The following MIPEP variants were observed in gnomAD, a reference collection of about 807,000 sequenced individuals.
The protein encoded by MIPEP is mitochondrial intermediate peptidase.
Under a neutral mutation model 90.3 loss-of-function variants are expected in MIPEP, and 79 were observed. The observed-to-expected ratio is 0.87, with a 90% CI of 0.73 to 1.05. The LOEUF is 1.05. Ranked by LOEUF, MIPEP falls within the 50% of genes least tolerant of loss-of-function variation. The probability of loss-of-function intolerance (pLI) is 0.00; values close to 1 mark genes in which losing one functional copy is unlikely to be tolerated. For synonymous variants in MIPEP, 334 were observed against 315.8 expected, an observed-to-expected ratio of 1.06 and a Z score of -0.61; for missense variants, 940 against 905.6, an observed-to-expected ratio of 1.04 and a Z score of -0.49.
intron 14 of MIPEP, among the ~76,000 whole-genome samples, chr13:23,822,339 C>T (rs1228778528): frequency 6.6e-6 from 1 of 152,152 alleles, no homozygotes; most frequent in Non-Finnish European, 1.5e-5. Context: ...CAAGACAATG[C>T]AGCCTGTCTA....
At chr13:23,866,235 TG>T (rs1375072688) in intron 7 of MIPEP, among the ~76,000 whole-genome samples, 1 of 152,170 alleles carries the variant, frequency 6.6e-6, no homozygotes, top group Non-Finnish European at 1.5e-5. Context: ...GGCATTGTTT[TG>T]TCTGTACTAC....
chr13:23,841,302 C>G (rs776259951), intron 11 of MIPEP, 33 bp downstream of exon 11: 4 of 1,583,424 alleles, frequency 2.5e-6, no homozygotes, highest in Non-Finnish European at 2.6e-6. Flanking sequence ...AAGGTAAATG[C>G]CTGCAACTGC....
At chr13:23,781,085 A>C (rs1452143462) in intron 16 of MIPEP, among the ~76,000 whole-genome samples, 5 of 152,204 alleles carry the variant, frequency 3.3e-5, no homozygotes, top group Non-Finnish European at 5.9e-5. Context: ...CAACATTCAA[A>C]TTCAGGAAAT....
intron 16 of MIPEP, among the ~76,000 whole-genome samples, chr13:23,765,696 C>G (rs112465223): frequency 1.3e-5 from 2 of 152,138 alleles, no homozygotes; most frequent in Non-Finnish European, 2.9e-5. Flanking sequence ...AACGGGAACT[C>G]GACAGCAATC....
chr13:23,843,797 A>G (rs1373100514), intron 10 of MIPEP, among the ~76,000 whole-genome samples: 1 of 152,178 alleles, frequency 6.6e-6, no homozygotes, highest in East Asian at 1.9e-4. Flanking sequence ...TTCCTTTGAG[A>G]TGCAAACGTC....
intron 10 of MIPEP, among the ~76,000 whole-genome samples, chr13:23,847,752 C>T (rs542498270): frequency 6.9e-4 from 105 of 152,304 alleles, no homozygotes; most frequent in African/African-American, 2.5e-3. Context: ...CTTAGCAGGT[C>T]TGCAGGCAAA....
At chr13:23,878,231 C>T (rs528166865) in intron 4 of MIPEP, among the ~76,000 whole-genome samples, 3 of 152,302 alleles carry the variant, frequency 2.0e-5, no homozygotes, top group East Asian at 3.9e-4. Context: ...AGCAATATAA[C>T]GATAAAGCTT....
Position 23,730,437 on chromosome 13 carries a change from G to T in MIPEP, c.2053C>A (p.Gln685Lys). ...AAGTCATCAACAGAAGGACACTTCT[G>T]AAGCATACCTGCAAACAAAGGAAAG... Reference protein sequence around the residue: ...EPMLMVEGMLQKCPSVDDFVS... With the variant: ...EPMLMVEGMLKKCPSVDDFVS... Residue 685 changes from glutamine (Q) to lysine (K), a missense_variant, in exon 19 of 19, where the codon CAG becomes AAG. Coordinates refer to ENST00000382172, the MANE Select transcript of MIPEP (RefSeq NM_005932.4). 1.2e-6 allele frequency: 2 copies of T among 1,609,828 alleles called. No individual in the cohort carries two copies. The highest frequency in any genetic ancestry group is 1.7e-6 in the Non-Finnish European group (2 of 1,176,970).
intron 9 of MIPEP, among the ~76,000 whole-genome samples, chr13:23,861,629 C>T (rs9510908): frequency 0.94 from 143,077 of 152,278 alleles, 67,249 homozygotes; most frequent in East Asian, 1. Context: ...AAGTCAAGAA[C>T]TAATAACAGC....
chr13:23,765,337 G>A (rs1373017215), intron 16 of MIPEP, among the ~76,000 whole-genome samples: 17 of 152,142 alleles, frequency 1.1e-4, no homozygotes, highest in Non-Finnish European at 2.1e-4. Context: ...AAATAGGCAG[G>A]TGTACCATAA....
chr13:23,848,956 G>A (rs1255293638), intron 10 of MIPEP, among the ~76,000 whole-genome samples: 1 of 152,268 alleles, frequency 6.6e-6, no homozygotes, highest in Admixed American at 6.5e-5. Flanking sequence ...CATCTGAGGG[G>A]CCCCAAGGAG....
At chr13:23,770,806 T>G (rs774445907) in intron 16 of MIPEP, among the ~76,000 whole-genome samples, 3 of 152,198 alleles carry the variant, frequency 2.0e-5, no homozygotes, top group Non-Finnish European at 4.4e-5. Context: ...CTAATGAGTT[T>G]GTATTGTCCC....
At chr13:23,731,665 A>T (rs946254832) in intron 18 of MIPEP, among the ~76,000 whole-genome samples, 1 of 152,258 alleles carries the variant, frequency 6.6e-6, no homozygotes, top group African/African-American at 2.4e-5. Context: ...TCTCTTGAAA[A>T]GAAACCATTA....
At chr13:23,795,139 T>C (rs777221385) in intron 16 of MIPEP, among the ~76,000 whole-genome samples, 11 of 151,944 alleles carry the variant, frequency 7.2e-5, no homozygotes, top group East Asian at 1.9e-4. Context: ...CTTCACCTCA[T>C]GGAAGAGACT....
chr13:23,775,327 T>C (rs1384818086), intron 16 of MIPEP, among the ~76,000 whole-genome samples: 1 of 152,054 alleles, frequency 6.6e-6, no homozygotes. Context: ...TGCTGTCTTA[T>C]TCCCATCTCA....
rs554360297 is a variant in MIPEP, at chr13:23,876,139, C to T, written c.540-1230G>A. The stretch of plus-strand genomic sequence containing the variant: ...GCACATTGATATATATTACCAAATG[C>T]TCCTCCATGAAGTCTTATCAATTTA... On this transcript the variant is annotated intron_variant, in intron 4 of 18. Transcript: ENST00000382172. 3.3e-5 allele frequency among the ~76,000 whole-genome samples: 5 copies of T among 152,274 alleles called. No homozygotes were observed. The South Asian group carries it at 1.0e-3, about 32-fold the overall frequency.
intron 10 of MIPEP, among the ~76,000 whole-genome samples, chr13:23,850,497 C>A (rs947151166): frequency 2.6e-5 from 4 of 152,332 alleles, no homozygotes; most frequent in Admixed American, 2.0e-4. Context: ...GTCAAACTTC[C>A]TGGCAACCAG....
chr13:23,830,321 AG>A (rs1361428901), intron 14 of MIPEP, among the ~76,000 whole-genome samples: 1 of 152,240 alleles, frequency 6.6e-6, no homozygotes, highest in African/African-American at 2.4e-5. Context: ...GAAGATTATA[AG>A]CAGTAAAATA....
At chr13:23,778,456 G>A (rs1349554326) in intron 16 of MIPEP, among the ~76,000 whole-genome samples, 1 of 152,018 alleles carries the variant, frequency 6.6e-6, no homozygotes, top group Non-Finnish European at 1.5e-5. Context: ...CCATGCTCAA[G>A]CAACTAGCTG....
Sources: allele counts gnomAD v4.1 joint callset (sites outside exome capture counted in the v4.1 genomes callset), GRCh38; gene constraint gnomAD v4.1.1; transcripts MANE v1.5; gene names NCBI Gene and HGNC (gene_info 2026-07-23, HGNC 2026-07-21).